The following NIM1K variants were observed in gnomAD, a reference collection of about 807,000 sequenced individuals.
The protein encoded by NIM1K is NIM1 serine/threonine protein kinase, also known as serine/threonine-protein kinase NIM1.
In NIM1K, 35 loss-of-function variants were observed where a neutral mutation model predicts 37.1. The observed-to-expected ratio is 0.94, with a 90% CI of 0.72 to 1.25. The LOEUF (loss-of-function observed/expected upper bound fraction) is 1.25. Ranked by LOEUF, NIM1K falls within the 50% of genes most tolerant of loss-of-function variation. The probability of loss-of-function intolerance (pLI) is 0.00; values close to 1 mark genes in which losing one functional copy is unlikely to be tolerated. For missense variants in NIM1K, 564 were observed against 548.0 expected, an observed-to-expected ratio of 1.03 and a Z score of -0.29; for synonymous variants, 234 against 206.6, an observed-to-expected ratio of 1.13 and a Z score of -1.14.
At chr5:43,227,317 G>A (rs1326088992) in intron 1 of NIM1K, among the ~76,000 whole-genome samples, 4 of 152,016 alleles carry the variant, frequency 2.6e-5, no homozygotes, top group East Asian at 1.9e-4. Context: ...CCGAGATTGC[G>A]CCATTGCACT....
intron 2 of NIM1K, among the ~76,000 whole-genome samples, chr5:43,268,465 C>A (rs1753203834): frequency 6.6e-6 from 1 of 152,010 alleles, no homozygotes. Context: ...GGAGTTGAAG[C>A]TGTCCTCTTG....
chr5:43,197,527 T>A (rs992164146), intron 1 of NIM1K, among the ~76,000 whole-genome samples: 1 of 152,212 alleles, frequency 6.6e-6, no homozygotes, highest in African/African-American at 2.4e-5. Context: ...TTAAACTTTT[T>A]GGAAATTTGA....
chr5:43,223,977 T>A (rs201296204), intron 1 of NIM1K, among the ~76,000 whole-genome samples: 1 of 188 alleles, frequency 5.3e-3, no homozygotes, highest in African/African-American at 5.6e-3. Context: ...TGAAAGATTC[T>A]TTTTTGAGGG....
chr5:43,257,469 G>A (rs1236797270), intron 2 of NIM1K, among the ~76,000 whole-genome samples: 1 of 145,728 alleles, frequency 6.9e-6, no homozygotes, highest in Non-Finnish European at 1.5e-5. Context: ...CTGGGTTCAA[G>A]CAATTCTCCT....
chr5:43,266,028 G>A (rs1049562651), intron 2 of NIM1K, among the ~76,000 whole-genome samples: 9 of 152,160 alleles, frequency 5.9e-5, no homozygotes, highest in African/African-American at 1.7e-4. Flanking sequence ...GGCATCAGTC[G>A]GCCCCTACTG....
In NIM1K at chr5:43,245,796, T is replaced by C; in HGVS notation, c.21T>C (p.Asn7=). ...GGACGATGACTGCAGTGTATATGAA[T>C]GGAGGTGGCCTGGTGAACCCCCACT... The part of the protein sequence containing the change: MTAVYM[N]GGGLVNPHYA... The change falls in exon 2 of 4, where the codon AAT becomes AAC. Residue 7 remains asparagine, a synonymous_variant. Coordinates refer to ENST00000326035, the MANE Select transcript of NIM1K (RefSeq NM_153361.4). 6.2e-7 allele frequency: 1 copy of C among 1,608,180 alleles called. No individual in the cohort carries two copies. The highest frequency in any genetic ancestry group is 1.3e-5 in the African/African-American group (1 of 74,920).
intron 1 of NIM1K, among the ~76,000 whole-genome samples, chr5:43,213,668 A>AT (rs1428396838): frequency 5.3e-5 from 8 of 151,842 alleles, no homozygotes; most frequent in Non-Finnish European, 7.4e-5. Flanking sequence ...TTATTTTTGT[A>AT]TTTTTTTAGT....
intron 2 of NIM1K, among the ~76,000 whole-genome samples, chr5:43,275,702 G>A (rs774298674): frequency 1.6e-4 from 25 of 152,030 alleles, no homozygotes; most frequent in Admixed American, 8.5e-4. Flanking sequence ...TCTACAGACC[G>A]GTTAGCTGAG....
At chr5:43,207,289 T>C in intron 1 of NIM1K, 1 of 760,642 alleles carries the variant, frequency 1.3e-6, no homozygotes, top group Non-Finnish European at 2.5e-6. Context: ...GAGAGAGAGA[T>C]GGGGGCATAT....
chr5:43,198,005 T>C (rs996862750), intron 1 of NIM1K, among the ~76,000 whole-genome samples: 1 of 152,094 alleles, frequency 6.6e-6, no homozygotes, highest in African/African-American at 2.4e-5. Flanking sequence ...GTAAGAGGGG[T>C]AGCAACCTCA....
intron 2 of NIM1K, among the ~76,000 whole-genome samples, chr5:43,252,574 GA>G (rs34096759): frequency 0.97 from 139,995 of 144,692 alleles, 67,813 homozygotes; most frequent in Non-Finnish European, 0.99. Context: ...CTAAAAAATT[GA>G]AAAAAAAAAA....
intron 1 of NIM1K, among the ~76,000 whole-genome samples, chr5:43,235,774 C>T (rs927273155): frequency 2.0e-5 from 3 of 151,952 alleles, no homozygotes; most frequent in African/African-American, 7.3e-5. Context: ...ACGCAAATAT[C>T]TAAGAGGGGT....
chr5:43,229,073 A>G (rs995327902), intron 1 of NIM1K, among the ~76,000 whole-genome samples: 6 of 152,226 alleles, frequency 3.9e-5, no homozygotes, highest in Admixed American at 1.3e-4. Flanking sequence ...TTTCTTTAAC[A>G]TGACCAGTCC....
chr5:43,272,559 C>T (rs1349281044), intron 2 of NIM1K, among the ~76,000 whole-genome samples: 1 of 152,146 alleles, frequency 6.6e-6, no homozygotes, highest in African/African-American at 2.4e-5. Context: ...GATTTTATTC[C>T]CCCAGCCCCT....
intron 2 of NIM1K, among the ~76,000 whole-genome samples, chr5:43,253,210 ATATG>A (rs1198718544): frequency 0.011 from 676 of 61,762 alleles, 3 homozygotes; most frequent in South Asian, 0.03. Context: ...ATAATATAAT[ATATG>A]TGTGTGTGTG....
intron 1 of NIM1K, among the ~76,000 whole-genome samples, chr5:43,205,479 G>C (rs1752094689): frequency 6.6e-6 from 1 of 152,124 alleles, no homozygotes; most frequent in African/African-American, 2.4e-5. Flanking sequence ...CCATCTGGGT[G>C]TGATGGCTCA....
chr5:43,201,648 G>A (rs772580824), intron 1 of NIM1K, among the ~76,000 whole-genome samples: 3 of 151,816 alleles, frequency 2.0e-5, no homozygotes, highest in Non-Finnish European at 2.9e-5. Context: ...TACCACAAAA[G>A]TTTAACATGT....
rs35350677 is a variant in NIM1K at position 43,270,265 on chromosome 5, G to A, written c.293-6792G>A. ...TGTGTGATGATGGAAACAATCCAGT[G>A]GGAAGAGAAAATTGATGCAGGAGAG... On this transcript the variant is annotated intron_variant, in intron 2 of 3. Transcript: ENST00000326035. Among the ~76,000 whole-genome samples the A allele has an allele frequency of 7.6e-3, 1,153 of 152,212 alleles. 9 individuals carry two copies. Among genetic ancestry groups the A allele is most frequent in the Middle Eastern group, 0.034 (10 of 294 alleles).
chr5:43,256,272 A>T (rs1370152537), intron 2 of NIM1K, among the ~76,000 whole-genome samples: 1 of 96,342 alleles, frequency 1.0e-5, no homozygotes, highest in Admixed American at 1.4e-4. Flanking sequence ...GCAAGAGATG[A>T]AGGTGGTTTG....
Sources: allele counts gnomAD v4.1 joint callset (sites outside exome capture counted in the v4.1 genomes callset), GRCh38; gene constraint gnomAD v4.1.1; transcripts MANE v1.5; gene names NCBI Gene and HGNC (gene_info 2026-07-23, HGNC 2026-07-21).